The following KMT2E variants were observed in gnomAD, a reference collection of about 807,000 sequenced individuals.
The protein encoded by KMT2E is lysine methyltransferase 2E (inactive).
A neutral mutation model predicts 184.6 loss-of-function variants in KMT2E; 30 were observed. The observed-to-expected ratio is 0.16, with a 90% confidence interval of 0.12 to 0.22. The LOEUF (loss-of-function observed/expected upper bound fraction) is 0.22, where lower values mean the gene tolerates loss of function less well. Among genes scored for constraint, KMT2E ranks in the 10% least tolerant of loss-of-function variants. KMT2E has a pLI of 1.00. For synonymous variants in KMT2E, 815 were observed against 776.5 expected, an observed-to-expected ratio of 1.05 and a Z score of -0.82; for missense variants, 2,023 against 2,237.4, an observed-to-expected ratio of 0.90 and a Z score of 1.93.
At chr7:105,099,337 C>G (rs1798557388) in intron 15 of KMT2E, among the ~76,000 whole-genome samples, 1 of 152,138 alleles carries the variant, frequency 6.6e-6, no homozygotes, top group African/African-American at 2.4e-5. Flanking sequence ...AATTATGGCT[C>G]TGCTTTTGAA....
At chr7:105,039,752 A>G (rs960180019) in intron 2 of KMT2E, among the ~76,000 whole-genome samples, 5 of 152,172 alleles carry the variant, frequency 3.3e-5, no homozygotes, top group South Asian at 4.1e-4. Context: ...GTAATAGACA[A>G]TTGCACACTG....
In KMT2E at chr7:105,090,289, C is replaced by G. The variant is rs939193147; in HGVS notation, c.1623+16C>G. The stretch of plus-strand genomic sequence containing the variant: ...AAATAATCAGGTACTGAACTCTGCT[C>G]TCAATGAAATTGAATAAACAAAGGA... On this transcript the variant is annotated intron_variant, in intron 14 of 26. Transcript: ENST00000311117. The G allele has an allele frequency of 6.4e-6, 10 of 1,570,402 alleles. No individual in the cohort carries two copies. The highest frequency in any genetic ancestry group is 3.4e-4 in the Middle Eastern group (2 of 5,836).
At chr7:105,026,917 A>G (rs1795197649) in intron 1 of KMT2E, among the ~76,000 whole-genome samples, 2 of 152,152 alleles carry the variant, frequency 1.3e-5, no homozygotes, top group Non-Finnish European at 1.5e-5. Context: ...TAAATAGTTC[A>G]TTAAGGATTT....
Position 105,109,210 on chromosome 7 carries a change from A to T in KMT2E, c.3737A>T (p.Asn1246Ile), listed in dbSNP as rs1473904986. The change falls in exon 23 of 27, where the codon AAT (asparagine) becomes ATT (isoleucine). Residue 1246 changes from asparagine (N) to isoleucine (I), a missense_variant. Physicochemically the swap from Asn to Ile is moderately radical, Grantham distance 149 (BLOSUM62 -3). This residue lies in a region of KMT2E where 1,108 missense variants were observed against 1,050.9 expected (regional missense o/e 1.05). Transcript: ENST00000311117. The stretch of plus-strand genomic sequence containing the variant: ...AAGGATGCTACTGCTAGTGAGAAGA[A>T]TGAACCAGAAGTTCAATGGTAAGCC... The part of the protein sequence containing the change: ...PVKDATASEK[N>I]EPEVQWTAST... 1.2e-6 allele frequency: 2 copies of T among 1,613,892 alleles called. No homozygotes were observed. Among genetic ancestry groups the T allele is most frequent in the East Asian group, 2.2e-5 (1 of 44,826 alleles).
At chr7:105,086,598 A>T (rs1321196124) in intron 13 of KMT2E, among the ~76,000 whole-genome samples, 1 of 151,630 alleles carries the variant, frequency 6.6e-6, no homozygotes, top group Admixed American at 6.6e-5. Context: ...GGTGGCGCAC[A>T]TCTGTAATCC....
At chr7:105,083,719 T>G (rs560073624) in intron 13 of KMT2E, among the ~76,000 whole-genome samples, 3 of 151,446 alleles carry the variant, frequency 2.0e-5, no homozygotes, top group Non-Finnish European at 2.9e-5. Flanking sequence ...TTTATGACTT[T>G]CCCCCCCCAG....
rs777952395 is a variant in KMT2E at position 105,076,049 on chromosome 7, C to A, written c.736C>A (p.Arg246Ser). The A allele has an allele frequency of 6.3e-7, 1 of 1,597,028 alleles. No individual in the cohort carries two copies. Among genetic ancestry groups the A allele is most frequent in the South Asian group, 1.1e-5 (1 of 90,460 alleles). ...AATTCCATGTTTATTTTAGGCATTTCGTGAAGGATCTAGGAAGTCATCAAG... is the reference window on the plus strand; with the variant it reads ...AATTCCATGTTTATTTTAGGCATTTAGTGAAGGATCTAGGAAGTCATCAAG... ...QHISKCKKAF[R>S]EGSRKSSRVK... is the part of the protein sequence containing the mutation. Residue 246 changes from arginine (R) to serine (S), a missense_variant, in exon 9 of 27, where the codon CGT becomes AGT. This residue lies in a region of KMT2E where 191 missense variants were observed against 209.0 expected (regional missense o/e 0.91). Coordinates refer to ENST00000311117, the MANE Select transcript of KMT2E (RefSeq NM_182931.3).
chr7:105,072,231 T>C (rs941008014), intron 6 of KMT2E, among the ~76,000 whole-genome samples: 3 of 152,042 alleles, frequency 2.0e-5, no homozygotes, highest in African/African-American at 7.2e-5. Flanking sequence ...GGCGGCAGAA[T>C]GGCATGAACC....
chr7:105,113,462 G>T lies in KMT2E; in HGVS notation c.*129G>T. On this transcript the variant is annotated 3_prime_UTR_variant, in exon 27 of 27. Transcript: ENST00000311117. ...TAAAAAACACCAGTGCTCTTTCGTT[G>T]TATTTTTCTCATTTTTGCTTTTTAA... 9.6e-7 allele frequency: 1 copy of T among 1,044,968 alleles called. No individual in the cohort carries two copies. Among genetic ancestry groups the T allele is most frequent in the South Asian group, 2.0e-5 (1 of 49,156 alleles). The allele number at this position is 1,044,968 out of a possible 1,614,324, so 64.7% of individuals were successfully genotyped here. A position where few individuals can be genotyped will look rare whatever the true frequency, so the allele number is the denominator to read the frequency against.
rs1044908508 is a variant in KMT2E, at chr7:105,114,127, T to C, written c.*794T>C. The C allele has an allele frequency of 4.6e-5, 7 of 152,518 alleles. No individual in the cohort carries two copies. Among genetic ancestry groups the C allele is most frequent in the African/African-American group, 1.7e-4 (7 of 41,444 alleles). 9.4% of individuals were successfully genotyped at this position (152,518 alleles called of 1,614,324 possible). A position where few individuals can be genotyped will look rare whatever the true frequency, so the allele number is the denominator to read the frequency against. On this transcript the variant is annotated 3_prime_UTR_variant, in exon 27 of 27. Coordinates refer to ENST00000311117, the MANE Select transcript of KMT2E (RefSeq NM_182931.3). ...AACTTCTAAGATCGGGATCTGTGTG[T>C]TTCTACAGAAGTTCTAGTTTTCAAA...
intron 17 of KMT2E, 51 bp downstream of exon 17, chr7:105,102,245 A>AATT: frequency 6.8e-7 from 1 of 1,470,000 alleles, no homozygotes; most frequent in South Asian, 1.4e-5. Context: ...TTCTTATATT[A>AATT]ATTATATTGT....
chr7:105,048,369 A>T (rs903447668), intron 3 of KMT2E, among the ~76,000 whole-genome samples: 1 of 152,100 alleles, frequency 6.6e-6, no homozygotes, highest in Non-Finnish European at 1.5e-5. Flanking sequence ...AGGAAATCTC[A>T]TGATAATTTT....
intron 21 of KMT2E, 45 bp from the exon 22 acceptor site, chr7:105,107,317 A>C: frequency 6.5e-7 from 1 of 1,528,478 alleles, no homozygotes; most frequent in Non-Finnish European, 8.8e-7. Flanking sequence ...AAACAGTCCC[A>C]AGATGTGATT....
intron 23 of KMT2E, 39 bp downstream of exon 23, chr7:105,109,267 A>T: frequency 1.3e-6 from 2 of 1,586,038 alleles, no homozygotes; most frequent in Non-Finnish European, 1.7e-6. Flanking sequence ...GGAAAAAACA[A>T]GCTTTTGTTC....
intron 15 of KMT2E, among the ~76,000 whole-genome samples, chr7:105,093,391 T>C (rs1363939033): frequency 4.0e-5 from 6 of 151,776 alleles, no homozygotes; most frequent in African/African-American, 4.8e-5. Flanking sequence ...CAGAAGAAAA[T>C]TGGATATTTG....
chr7:105,085,796 G>A (rs992739596), intron 13 of KMT2E, among the ~76,000 whole-genome samples: 1 of 151,308 alleles, frequency 6.6e-6, no homozygotes, highest in African/African-American at 2.4e-5. Flanking sequence ...CCATTCTCCC[G>A]CCTCGGAGAG....
chr7:105,037,012 T>G (rs1240882236), intron 1 of KMT2E, among the ~76,000 whole-genome samples: 1 of 152,216 alleles, frequency 6.6e-6, no homozygotes, highest in Non-Finnish European at 1.5e-5. Flanking sequence ...TGCTGTAAAT[T>G]AAATGTTAAA....
rs1799361539 is a variant in KMT2E, at chr7:105,112,632, G to A, written c.4876G>A (p.Val1626Ile). The change falls in exon 27 of 27, where the codon GTC becomes ATC. Residue 1626 changes from valine to isoleucine, a missense_variant. Val to Ile is a conservative substitution (Grantham distance 29, BLOSUM62 3). Coordinates refer to ENST00000311117, the MANE Select transcript of KMT2E (RefSeq NM_182931.3). The part of the protein sequence containing the change: ...TIHHQTAAAV[V>I]PPPPPPPPAP... Reference sequence around the variant, plus strand: ...TCACCATCAAACTGCTGCTGCCGTAGTCCCCCCTCCTCCTCCACCACCACC... The same window carrying A: ...TCACCATCAAACTGCTGCTGCCGTAATCCCCCCTCCTCCTCCACCACCACC... 6.2e-7 allele frequency: 1 copy of A among 1,613,632 alleles called. No individual in the cohort carries two copies. The highest frequency in any genetic ancestry group is 8.5e-7 in the Non-Finnish European group (1 of 1,179,912).
chr7:105,040,981 A>T lies in KMT2E; in HGVS notation c.29A>T (p.Asp10Val). The stretch of plus-strand genomic sequence containing the variant: ...AGCATAGTGATCCCATTGGGGGTTG[A>T]TACAGCAGAGACGTCATACTTGGAA... MSIVIPLGV[D>V]TAETSYLEMA... is the part of the protein sequence containing the mutation. Residue 10 changes from aspartate to valine, a missense_variant, in exon 3 of 27, where the codon GAT becomes GTT. Asp to Val is a radical substitution (Grantham distance 152). Coordinates refer to ENST00000311117, the MANE Select transcript of KMT2E (RefSeq NM_182931.3). 1 of 1,612,702 alleles carries T rather than the reference A, an allele frequency of 6.2e-7. No homozygotes were observed. The highest frequency in any genetic ancestry group is 1.3e-5 in the African/African-American group (1 of 74,658).
Sources: allele counts gnomAD v4.1 joint callset (sites outside exome capture counted in the v4.1 genomes callset), GRCh38; gene constraint gnomAD v4.1.1; regional missense constraint gnomAD v4.1.1; transcripts MANE v1.5; gene names NCBI Gene and HGNC (gene_info 2026-07-23, HGNC 2026-07-21).